The following LRRC74A variants were observed in gnomAD, a reference collection of about 807,000 sequenced individuals.
LRRC74A encodes the protein leucine rich repeat containing 74A.
Under a neutral mutation model 57.9 loss-of-function variants are expected in LRRC74A, and 44 were observed. The ratio of observed to expected loss-of-function variants is 0.76; its 90% CI spans 0.60 to 0.98. LRRC74A has a LOEUF of 0.98. Ranked by LOEUF, LRRC74A falls within the 50% of genes least tolerant of loss-of-function variation. The pLI, the probability that LRRC74A is intolerant of heterozygous loss-of-function variation, is 0.00. For missense variants in LRRC74A, 572 were observed against 574.0 expected, an observed-to-expected ratio of 1.00 and a Z score of 0.04; for synonymous variants, 211 against 219.4, an observed-to-expected ratio of 0.96 and a Z score of 0.34.
chr14:76,845,103 T>C (rs892430670), intron 7 of LRRC74A, among the ~76,000 whole-genome samples: 1 of 152,196 alleles, frequency 6.6e-6, no homozygotes, highest in African/African-American at 2.4e-5. Context: ...GCAGAAGGAT[T>C]GCTTGAGCCC....
At chr14:76,830,820 C>T (rs1329624206) in intron 2 of LRRC74A, among the ~76,000 whole-genome samples, 7 of 152,210 alleles carry the variant, frequency 4.6e-5, no homozygotes, top group African/African-American at 1.2e-4. Flanking sequence ...AAAAGTCATC[C>T]GCGTTTGGCC....
intron 10 of LRRC74A, among the ~76,000 whole-genome samples, chr14:76,859,915 T>G (rs1898175087): frequency 6.6e-6 from 1 of 152,112 alleles, no homozygotes; most frequent in Non-Finnish European, 1.5e-5. Context: ...CGACCTCAAG[T>G]GATACACCCA....
At chr14:76,853,459 G>GTGTGTGTGTT in intron 9 of LRRC74A, 49 bp downstream of exon 9, 1 of 1,434,826 alleles carries the variant, frequency 7.0e-7, no homozygotes, top group Non-Finnish European at 9.5e-7. Flanking sequence ...GTGTGTGTGT[G>GTGTGTGTGTT]TGTTTGTGTA....
chr14:76,840,036 G>A (rs1396192511), intron 5 of LRRC74A, among the ~76,000 whole-genome samples: 1 of 152,090 alleles, frequency 6.6e-6, no homozygotes, highest in African/African-American at 2.4e-5. Context: ...GCCTGTTTAT[G>A]GTACTTTCTT....
intron 5 of LRRC74A, 31 bp from the exon 6 acceptor site, chr14:76,844,392 G>A (rs1446035949): frequency 3.7e-6 from 6 of 1,605,154 alleles, no homozygotes; most frequent in Non-Finnish European, 5.1e-6. Flanking sequence ...TGGTCTAGCA[G>A]TGCATCACTG....
chr14:76,831,140 G>T, intron 2 of LRRC74A, 63 bp from the exon 3 acceptor site: 1 of 1,522,774 alleles, frequency 6.6e-7, no homozygotes, highest in Non-Finnish European at 9.0e-7. Context: ...TGTCACTGGG[G>T]CTAGAGGGGA....
At chr14:76,862,812 G>A (rs1898421643) in intron 11 of LRRC74A, among the ~76,000 whole-genome samples, 1 of 152,128 alleles carries the variant, frequency 6.6e-6, no homozygotes, top group Non-Finnish European at 1.5e-5. Context: ...ATGACTCCAG[G>A]TTCATAGAGG....
rs201172636 is a variant in LRRC74A at position 76,840,959 on chromosome 14, TATAAC to T, written c.544+2993_544+2997del. Among the ~76,000 whole-genome samples, 49 of 152,354 alleles carry T rather than the reference TATAAC, an allele frequency of 3.2e-4. No homozygotes were observed. The East Asian group carries it at 9.1e-3, about 28-fold the overall frequency. ...TATTAAAATTATAATTACTACATAT[TATAAC>T]ATAAGATGTTGTGACTAATACAAAA... On this transcript the variant is annotated intron_variant, in intron 5 of 13. Coordinates refer to ENST00000689127, the MANE Select transcript of LRRC74A (RefSeq NM_001385106.1).
chr14:76,847,343 C>T (rs1200977215), intron 7 of LRRC74A, among the ~76,000 whole-genome samples: 2 of 152,140 alleles, frequency 1.3e-5, no homozygotes, highest in South Asian at 2.1e-4. Context: ...ATATACACCA[C>T]GGAATACTAT....
At chr14:76,828,560 G>A (rs749180244) in intron 2 of LRRC74A, 141 bp downstream of exon 2, 4 of 1,311,518 alleles carry the variant, frequency 3.0e-6, no homozygotes, top group Non-Finnish European at 4.3e-6. Flanking sequence ...AGAAAGGCCT[G>A]CTCGATTTTG....
intron 12 of LRRC74A, among the ~76,000 whole-genome samples, chr14:76,866,575 C>A (rs888769100): frequency 6.6e-6 from 1 of 152,140 alleles, no homozygotes; most frequent in Non-Finnish European, 1.5e-5. Context: ...GAATAGGACT[C>A]CAGAGGAGAA....
chr14:76,866,660 A>G (rs367992673), intron 12 of LRRC74A, among the ~76,000 whole-genome samples: 1 of 152,030 alleles, frequency 6.6e-6, no homozygotes, highest in East Asian at 2.0e-4. Context: ...GAGGCTGGCC[A>G]GGACTCAGCA....
intron 13 of LRRC74A, among the ~76,000 whole-genome samples, chr14:76,868,447 C>G (rs555932619): frequency 6.6e-6 from 1 of 152,162 alleles, no homozygotes; most frequent in East Asian, 1.9e-4. Context: ...TCAGCCTGGA[C>G]GACAAAGTGA....
chr14:76,863,169 G>A (rs1358593482), intron 11 of LRRC74A, among the ~76,000 whole-genome samples: 1 of 130,218 alleles, frequency 7.7e-6, no homozygotes, highest in Non-Finnish European at 1.7e-5. Context: ...GTGGGGGTGT[G>A]TATTGCATGC....
At chr14:76,863,208 G>GTGTGTGTC (rs1898467146) in intron 11 of LRRC74A, among the ~76,000 whole-genome samples, 1 of 151,776 alleles carries the variant, frequency 6.6e-6, no homozygotes, top group African/African-American at 2.4e-5. Flanking sequence ...GTGTGTGTGT[G>GTGTGTGTC]TGTGTGTTGG....
At chr14:76,828,590 C>A in intron 2 of LRRC74A, 171 bp downstream of exon 2, 2 of 961,628 alleles carry the variant, frequency 2.1e-6, no homozygotes, top group African/African-American at 1.6e-5. Context: ...CTCCTCCGGG[C>A]TGGCAGGGGA....
chr14:76,870,122 C>G lies in LRRC74A; in HGVS notation c.1392-3C>G, dbSNP rs1308741982. The G allele has an allele frequency of 1.2e-6, 2 of 1,611,350 alleles. No individual in the cohort carries two copies. Among genetic ancestry groups the G allele is most frequent in the Non-Finnish European group, 1.7e-6 (2 of 1,178,852 alleles). ...AGCATCTTTCCCTTACCTTTCGTAC[C>G]AGTTTCTTGAACACGATGAAGCCAT... On this transcript the variant is annotated splice_region_variant and splice_polypyrimidine_tract_variant and intron_variant, in intron 13 of 13. Coordinates refer to ENST00000689127, the MANE Select transcript of LRRC74A (RefSeq NM_001385106.1).
intron 9 of LRRC74A, among the ~76,000 whole-genome samples, 191 bp from the exon 10 acceptor site, chr14:76,857,181 AATGGATGG>A (rs563796194): frequency 1.5e-5 from 2 of 130,314 alleles, no homozygotes; most frequent in Admixed American, 8.2e-5. Flanking sequence ...TGGATGGATG[AATGGATGG>A]ATGGATGGAT....
intron 7 of LRRC74A, among the ~76,000 whole-genome samples, chr14:76,848,454 A>C (rs1374130459): frequency 6.6e-6 from 1 of 151,766 alleles, no homozygotes; most frequent in Non-Finnish European, 1.5e-5. Flanking sequence ...CTATAGTCCC[A>C]GCTACTTGGG....
Sources: gnomAD v4.1 joint callset for allele counts (sites outside exome capture counted in the v4.1 genomes callset) on GRCh38, gnomAD v4.1.1 for gene constraint, MANE v1.5 for transcripts, NCBI Gene and HGNC (gene_info 2026-07-23, HGNC 2026-07-21) for gene names.